Variants in MVD observed in about 807,000 individuals in gnomAD.
MVD encodes the protein mevalonate diphosphate decarboxylase, also known as diphosphomevalonate decarboxylase.
In MVD, 52 loss-of-function variants were observed where a neutral mutation model predicts 42.4. The observed-to-expected ratio is 1.23, with a 90% CI of 0.98 to 1.55. MVD has a LOEUF of 1.55. Ranked by LOEUF, MVD falls within the 40% of genes most tolerant of loss-of-function variation. MVD has a pLI of 0.00. For synonymous variants in MVD, 287 were observed against 243.2 expected (o/e 1.18, Z -1.68); for missense variants, 663 against 572.1 (o/e 1.16, Z -1.62).
chr16:88,652,701 C>A, intron 9 of MVD, 96 bp from the exon 10 acceptor site: 1 of 1,192,306 alleles, frequency 8.4e-7, no homozygotes, highest in Non-Finnish European at 1.2e-6. Context: ...TAGCGGTGTG[C>A]CCCCGCCCTT....
At chr16:88,653,032 A>G (rs1907678187) in intron 9 of MVD, among the ~76,000 whole-genome samples, 1 of 151,834 alleles carries the variant, frequency 6.6e-6, no homozygotes. Context: ...CTCCCTATTC[A>G]AGGGTCTGAT....
At chr16:88,655,605 G>A (rs754337023) in intron 6 of MVD, 51 bp downstream of exon 6, 21 of 1,541,020 alleles carry the variant, frequency 1.4e-5, no homozygotes, top group East Asian at 9.8e-5. Context: ...GGGCAGAGCC[G>A]GGCACAAGCG....
At chr16:88,652,980 G>A (rs559041276) in intron 9 of MVD, among the ~76,000 whole-genome samples, 2 of 152,146 alleles carry the variant, frequency 1.3e-5, no homozygotes, top group East Asian at 3.9e-4. Flanking sequence ...GGTGGTTGGG[G>A]TGGGGGGGTC....
chr16:88,654,703 C>G lies in MVD; in HGVS notation c.1002G>C (p.Ser334=), dbSNP rs34657446. ...GGGTCCACACTCACGTGTCTCCATT[C>G]GAGCCTGGGGGAAAGCCGTGCCACA... The part of the protein sequence containing the change: ...AAVWHGFPPG[S]NGDTFLKGLQ... Residue 334 remains serine (S), a synonymous_variant, in exon 8 of 10, where the codon TCG becomes TCC. Transcript: ENST00000301012. 6.3e-7 allele frequency: 1 copy of G among 1,598,514 alleles called. No individual in the cohort carries two copies. Among genetic ancestry groups the G allele is most frequent in the South Asian group, 1.1e-5 (1 of 88,366 alleles).
chr16:88,662,965 C>A (rs868758353), intron 1 of MVD, 46 bp downstream of exon 1: 2 of 1,571,136 alleles, frequency 1.3e-6, no homozygotes, highest in Non-Finnish European at 1.7e-6. Context: ...GCGTACCCGG[C>A]CTCGCTCCCG....
chr16:88,653,375 A>G lies in MVD; in HGVS notation c.1047T>C (p.Pro349=). 6.3e-7 allele frequency: 1 copy of G among 1,599,802 alleles called. No homozygotes were observed. The highest frequency in any genetic ancestry group is 8.5e-7 in the Non-Finnish European group (1 of 1,176,314). Residue 349 remains proline, a synonymous_variant, in exon 9 of 10, where the codon CCT becomes CCC. Coordinates refer to ENST00000301012, the MANE Select transcript of MVD (RefSeq NM_002461.3). ...GCGCAGCCTGAAGCTCAGCTGAGAG[A>G]GGGGCCGGCCTCACCTGCAGCCCCT... ...FLKGLQVRPA[P]LSAELQAALA...
Position 88,658,662 on chromosome 16 carries a change from CAG to C in MVD, c.127_128del (p.Leu43AlafsTer104), listed in dbSNP as rs1166653267. Reference protein sequence around the residue: ...LPINSSLSVTLHQDQLKTTTT... With the variant: ...LPINSSLSVTXHQDQLKTTTT... ...AGTCCACACATACCTGGTCCTGGTG[CAG>C]AGTGACGCTCAGGGAGGAGTTGATG... On this transcript the variant is annotated frameshift_variant, in exon 2 of 10. Coordinates refer to ENST00000301012, the MANE Select transcript of MVD (RefSeq NM_002461.3). LOFTEE classifies it high-confidence loss of function. 2.5e-6 allele frequency: 4 copies of C among 1,613,640 alleles called. No homozygotes were observed. Among genetic ancestry groups the C allele is most frequent in the Admixed American group, 1.7e-5 (1 of 59,980 alleles).
intron 6 of MVD, 36 bp from the exon 7 acceptor site, chr16:88,655,453 G>A: frequency 6.5e-7 from 1 of 1,541,754 alleles, no homozygotes; most frequent in Non-Finnish European, 8.7e-7. Context: ...GGAGCCGCTG[G>A]GGGTCTCGAC....
intron 9 of MVD, 118 bp downstream of exon 9, chr16:88,653,181 CT>C: frequency 2.6e-6 from 2 of 759,422 alleles, no homozygotes; most frequent in Non-Finnish European, 4.4e-6. Flanking sequence ...TTCTGGCTTC[CT>C]GCCTGAGACA....
At chr16:88,658,781 C>A (rs1370734794) in intron 1 of MVD, 61 bp from the exon 2 acceptor site, 13 of 1,167,708 alleles carry the variant, frequency 1.1e-5, no homozygotes, top group African/African-American at 1.8e-5. Flanking sequence ...CCCAGTGTTC[C>A]CCACAGGTGC....
At chr16:88,658,199 G>A (rs1316731365) in intron 2 of MVD, among the ~76,000 whole-genome samples, 170 bp from the exon 3 acceptor site, 1 of 152,162 alleles carries the variant, frequency 6.6e-6, no homozygotes, top group Non-Finnish European at 1.5e-5. Context: ...AAGCCCGTGG[G>A]GGATGAAAGC....
At chr16:88,655,787 C>T (rs1907882985) in intron 5 of MVD, 57 bp from the exon 6 acceptor site, 2 of 1,534,730 alleles carry the variant, frequency 1.3e-6, no homozygotes, top group African/African-American at 1.4e-5. Flanking sequence ...CCCCAAGGAC[C>T]TCAGCCTCAA....
intron 1 of MVD, 41 bp from the exon 2 acceptor site, chr16:88,658,761 C>T: frequency 7.6e-7 from 1 of 1,321,528 alleles, no homozygotes; most frequent in Non-Finnish European, 1.0e-6. Flanking sequence ...GGCTTCCCGG[C>T]CCACCCTCCC....
chr16:88,656,515 C>CACGGCCTGCAGAGCTT, intron 4 of MVD: 1 of 609,004 alleles, frequency 1.6e-6, no homozygotes, highest in East Asian at 2.8e-5. Context: ...ACTCTCTGTT[C>CACGGCCTGCAGAGCTT]ACGGCCTGCA....
At chr16:88,659,755 C>T (rs1908172738) in intron 1 of MVD, among the ~76,000 whole-genome samples, 1 of 152,052 alleles carries the variant, frequency 6.6e-6, no homozygotes, top group Non-Finnish European at 1.5e-5. Flanking sequence ...CACCTGAGGT[C>T]GGGAGTTTGA....
In MVD at chr16:88,656,190, C is replaced by T. The variant is rs372043528; in HGVS notation, c.518G>A (p.Gly173Glu). The T allele has an allele frequency of 1.9e-6, 3 of 1,601,838 alleles. No individual in the cohort carries two copies. Among genetic ancestry groups the T allele is most frequent in the Middle Eastern group, 1.6e-4 (1 of 6,062 alleles). Residue 173 changes from glycine (G) to glutamate (E), a missense_variant, in exon 5 of 10, where the codon GGA becomes GAA. By Grantham distance (98) the Gly-to-Glu change is moderately conservative (BLOSUM62 -2). Transcript: ENST00000301012. ...LYGGFVEWQM[G>E]EQADGKDSIA... The stretch of plus-strand genomic sequence containing the variant: ...GCTGTCCTTCCCGTCGGCCTGCTCT[C>T]CCATCTGCCACTCCACAAAGCCCCC...
chr16:88,657,333 T>C, intron 4 of MVD, 103 bp downstream of exon 4: 1 of 1,475,036 alleles, frequency 6.8e-7, no homozygotes, highest in Non-Finnish European at 9.1e-7. Flanking sequence ...GAGGGGATGC[T>C]CTTTTAGCCA....
rs776247940 is a variant in MVD, at chr16:88,657,538, G to C, written c.301C>G (p.Pro101Ala). Reference protein sequence around the residue: ...RKRRNSRDGDPLPSSLSCKVH... With the variant: ...RKRRNSRDGDALPSSLSCKVH... ...TTGCAGCTGAGGCTGGAGGGCAGCGGGTCCCCATCCCGTGAGTTCCTCCGC... is the reference window on the plus strand; with the variant it reads ...TTGCAGCTGAGGCTGGAGGGCAGCGCGTCCCCATCCCGTGAGTTCCTCCGC... The change falls in exon 4 of 10, where the codon CCG becomes GCG. Residue 101 changes from proline to alanine, a missense_variant. By Grantham distance (27) the Pro-to-Ala change is conservative. Transcript: ENST00000301012. The C allele has an allele frequency of 6.2e-7, 1 of 1,612,702 alleles. No individual in the cohort carries two copies.
At position 88,655,745 on chromosome 16, in the gene MVD, G is replaced by C. The variant is rs1907878398; in HGVS notation, c.604-15C>G. ...TCAGCGCTCACCTGCACGAGGGAGA[G>C]ACAGCCTGGGCCACACCCTGCAGGG... On this transcript the variant is annotated splice_polypyrimidine_tract_variant and intron_variant, in intron 5 of 9. Coordinates refer to ENST00000301012, the MANE Select transcript of MVD (RefSeq NM_002461.3). 1.9e-6 allele frequency: 3 copies of C among 1,551,978 alleles called. No individual in the cohort carries two copies. Among genetic ancestry groups the C allele is most frequent in the Non-Finnish European group, 2.6e-6 (3 of 1,148,400 alleles).
Sources: gnomAD v4.1 joint callset for allele counts (sites outside exome capture counted in the v4.1 genomes callset) on GRCh38, gnomAD v4.1.1 for gene constraint, MANE v1.5 for transcripts, NCBI Gene and HGNC (gene_info 2026-07-23, HGNC 2026-07-21) for gene names.